Variants in RASSF4 observed in about 807,000 individuals in gnomAD.
RASSF4 encodes ras association domain-containing protein 4.
A neutral mutation model predicts 41.1 loss-of-function variants in RASSF4; 38 were observed. That is an observed-to-expected ratio of 0.92 (90% CI 0.71 to 1.21). The LOEUF (loss-of-function observed/expected upper bound fraction) is 1.21. Ranked by LOEUF, RASSF4 falls within the 50% of genes most tolerant of loss-of-function variation. RASSF4 has a pLI of 0.00. For missense variants in RASSF4, 414 were observed against 419.4 expected, an observed-to-expected ratio of 0.99 and a Z score of 0.11; for synonymous variants, 179 against 163.4, an observed-to-expected ratio of 1.10 and a Z score of -0.73.
intron 1 of RASSF4, among the ~76,000 whole-genome samples, chr10:44,966,646 T>C (rs1384962674): frequency 6.6e-6 from 1 of 152,230 alleles, no homozygotes; most frequent in Non-Finnish European, 1.5e-5. Flanking sequence ...CATTTTTACA[T>C]GAAATATGGG....
chr10:44,971,010 G>A (rs999866028), intron 2 of RASSF4: 2 of 170,818 alleles, frequency 1.2e-5, no homozygotes, highest in Non-Finnish European at 2.5e-5. Context: ...TCCAACACTG[G>A]GAATTACAAT....
chr10:44,990,802 A>C, intron 8 of RASSF4, 146 bp from the exon 9 acceptor site: 1 of 680,964 alleles, frequency 1.5e-6, no homozygotes, highest in Non-Finnish European at 2.4e-6. Flanking sequence ...ATGAGCAGGA[A>C]TCTCTCAGGG....
chr10:44,961,950 T>C (rs1337439384), intron 1 of RASSF4, among the ~76,000 whole-genome samples: 1 of 152,216 alleles, frequency 6.6e-6, no homozygotes, highest in African/African-American at 2.4e-5. Flanking sequence ...AAGAGAAACT[T>C]GTAGTTCCCG....
chr10:44,983,479 C>T (rs993290808), intron 4 of RASSF4: 6 of 171,182 alleles, frequency 3.5e-5, no homozygotes, highest in South Asian at 1.5e-4. Flanking sequence ...CGGCTGTGCC[C>T]GTGTATTCTC....
At chr10:44,975,161 G>C (rs1194776787) in intron 3 of RASSF4, among the ~76,000 whole-genome samples, 2 of 152,104 alleles carry the variant, frequency 1.3e-5, no homozygotes, top group African/African-American at 4.8e-5. Context: ...CCCGCTCCTC[G>C]GCCCAGGGAC....
chr10:44,991,347 G>A, intron 9 of RASSF4: 1 of 333,316 alleles, frequency 3.0e-6, no homozygotes, highest in Non-Finnish European at 5.5e-6. Context: ...TCCTTCATTG[G>A]AATGTATTTT....
intron 3 of RASSF4, among the ~76,000 whole-genome samples, chr10:44,974,548 C>A (rs1249217408): frequency 6.6e-6 from 1 of 152,216 alleles, no homozygotes; most frequent in Non-Finnish European, 1.5e-5. Context: ...TGCCCTTGAG[C>A]CCCAAGCTAA....
In RASSF4 at chr10:44,989,433, G is replaced by A; in HGVS notation, c.633+58G>A. The A allele has an allele frequency of 3.9e-6, 5 of 1,298,538 alleles. 1 individual carries two copies. The South Asian group carries it at 4.9e-5, about 13-fold the overall frequency. The allele number at this position is 1,298,538 out of a possible 1,614,324, so 80.4% of individuals were successfully genotyped here. A position where few individuals can be genotyped will look rare whatever the true frequency, so the allele number is the denominator to read the frequency against. On this transcript the variant is annotated intron_variant, in intron 7 of 10. Coordinates refer to ENST00000340258, the MANE Select transcript of RASSF4 (RefSeq NM_032023.4). ...ATGCCAGTGGTCTGCTATTCTGTTG[G>A]GGGTGGGGTTCTGGGGAAAGCTGCC...
At chr10:44,977,648 G>GGGCC (rs1210957530) in intron 3 of RASSF4, 1 of 1,612,922 alleles carries the variant, frequency 6.2e-7, no homozygotes, top group Non-Finnish European at 8.5e-7. Flanking sequence ...GCCAGCAGAG[G>GGGCC]GGCCAGTCCT....
chr10:44,966,583 T>G (rs1840911083), intron 1 of RASSF4, among the ~76,000 whole-genome samples: 1 of 152,150 alleles, frequency 6.6e-6, no homozygotes, highest in Non-Finnish European at 1.5e-5. Flanking sequence ...GGGTGCAATA[T>G]CCAAGAAGAT....
chr10:44,969,696 C>T (rs1841065435), intron 1 of RASSF4, among the ~76,000 whole-genome samples: 1 of 152,196 alleles, frequency 6.6e-6, no homozygotes, highest in African/African-American at 2.4e-5. Context: ...CCATTTACAG[C>T]ACATAGGGAA....
At chr10:44,986,893 T>C (rs1334830255) in intron 6 of RASSF4, among the ~76,000 whole-genome samples, 1 of 152,234 alleles carries the variant, frequency 6.6e-6, no homozygotes, top group Non-Finnish European at 1.5e-5. Context: ...GGTGAAACTT[T>C]GTAGCTGTTT....
intron 3 of RASSF4, among the ~76,000 whole-genome samples, chr10:44,975,914 C>T (rs1421048619): frequency 6.6e-6 from 1 of 152,052 alleles, no homozygotes; most frequent in African/African-American, 2.4e-5. Context: ...GACTCTCCCT[C>T]TGACCCCGTT....
intron 1 of RASSF4, 48 bp downstream of exon 1, chr10:44,959,914 C>T (rs932649272): frequency 1.3e-5 from 2 of 152,332 alleles, no homozygotes; most frequent in African/African-American, 2.4e-5. Flanking sequence ...ATGGAGCATC[C>T]CCTCCGACCC....
chr10:44,975,639 G>T (rs940711742), intron 3 of RASSF4, among the ~76,000 whole-genome samples: 3 of 132,172 alleles, frequency 2.3e-5, no homozygotes, highest in African/African-American at 8.6e-5. Flanking sequence ...TGCTCTACAA[G>T]GGCCCCACCA....
chr10:44,965,909 G>A (rs1486616117), intron 1 of RASSF4, among the ~76,000 whole-genome samples: 4 of 152,170 alleles, frequency 2.6e-5, no homozygotes, highest in Non-Finnish European at 5.9e-5. Flanking sequence ...CACTCAACAC[G>A]TTGGTTGTGT....
chr10:44,975,418 C>A, intron 3 of RASSF4, among the ~76,000 whole-genome samples: 1 of 149,778 alleles, frequency 6.7e-6, no homozygotes. Context: ...CCCTTCTTCG[C>A]CTCCCATCCC....
At position 44,988,793 on chromosome 10, in the gene RASSF4, G is replaced by A. The variant is rs1012874937; in HGVS notation, c.532-481G>A. ...TTAGAAGTCCGTTCCTGTAGGCAGC[G>A]GTGCAGACTACGGATTAGAGGGACT... On this transcript the variant is annotated intron_variant, in intron 6 of 10. Coordinates refer to ENST00000340258, the MANE Select transcript of RASSF4 (RefSeq NM_032023.4). Among the ~76,000 whole-genome samples, 6 of 152,186 alleles carry A rather than the reference G, an allele frequency of 3.9e-5. No individual in the cohort carries two copies. In the South Asian group the frequency reaches 8.3e-4, roughly 21 times the overall value.
chr10:44,971,782 C>T lies in RASSF4; in HGVS notation c.72C>T (p.Leu24=). Residue 24 remains leucine (L), a synonymous_variant, in exon 3 of 11, where the codon CTC becomes CTT. Coordinates refer to ENST00000340258, the MANE Select transcript of RASSF4 (RefSeq NM_032023.4). The part of the protein sequence containing the change: ...SDSKSIQKSE[L]LGLLKTYNCY... ...GTCTTTCCCTTTTTAGGTCGGAGCTCTTAGGCCTGCTGAAAACCTACAACT... is the reference window on the plus strand; with the variant it reads ...GTCTTTCCCTTTTTAGGTCGGAGCTTTTAGGCCTGCTGAAAACCTACAACT... The T allele has an allele frequency of 6.2e-7, 1 of 1,613,976 alleles. No individual in the cohort carries two copies. The highest frequency in any genetic ancestry group is 8.5e-7 in the Non-Finnish European group (1 of 1,179,870).
Sources: allele counts gnomAD v4.1 joint callset (sites outside exome capture counted in the v4.1 genomes callset), GRCh38; gene constraint gnomAD v4.1.1; transcripts MANE v1.5; gene names NCBI Gene and HGNC (gene_info 2026-07-23, HGNC 2026-07-21).